Variants in TRIM37 observed in about 807,000 individuals in gnomAD.
TRIM37 encodes the protein tripartite motif containing 37.
TRIM37 carries 80 observed loss-of-function variants against 129.8 expected under a neutral mutation model. The ratio of observed to expected loss-of-function variants is 0.62; its 90% CI spans 0.51 to 0.74. TRIM37 has a LOEUF of 0.74. Among genes scored for constraint, TRIM37 ranks in the 30% least tolerant of loss-of-function variants. TRIM37 has a pLI of 0.00. For synonymous variants in TRIM37, 389 were observed against 387.1 expected (o/e 1.00, Z -0.06); for missense variants, 1,054 against 1,176.5 (o/e 0.90, Z 1.52).
intron 17 of TRIM37, among the ~76,000 whole-genome samples, chr17:59,032,993 T>C (rs1441815985): frequency 1.3e-5 from 2 of 152,186 alleles, no homozygotes; most frequent in Non-Finnish European, 2.9e-5. Flanking sequence ...TATTGGACTA[T>C]GCTCTTTAAG....
Position 59,020,672 on chromosome 17 carries a change from T to C in TRIM37, c.2258-3248A>G, listed in dbSNP as rs1389003662. Reference sequence around the variant, plus strand: ...GATTAAAAATGGGTAAAAATCTGAATAGATATTTCTTAAAAGACGACACAC... The same window carrying C: ...GATTAAAAATGGGTAAAAATCTGAACAGATATTTCTTAAAAGACGACACAC... On this transcript the variant is annotated intron_variant, in intron 19 of 23. Transcript: ENST00000262294. 1.3e-5 allele frequency among the ~76,000 whole-genome samples: 2 copies of C among 152,094 alleles called. 1 individual carries two copies. The highest frequency in any genetic ancestry group is 2.9e-5 in the Non-Finnish European group (2 of 68,004).
chr17:59,056,884 ACTGTATCATTTTGTGGATTC>A lies in TRIM37; in HGVS notation c.1170_1189del (p.Leu390PhefsTer32). 1 of 1,613,750 alleles carries A rather than the reference ACTGTATCATTTTGTGGATTC, an allele frequency of 6.2e-7. No individual in the cohort carries two copies. Among genetic ancestry groups the A allele is most frequent in the Non-Finnish European group, 8.5e-7 (1 of 1,179,864 alleles). On this transcript the variant is annotated frameshift_variant, in exon 13 of 24. Transcript: ENST00000262294. LOFTEE classifies it high-confidence loss of function. ...AAATTTTTCCTGTTACCTTAAAATC[ACTGTATCATTTTGTGGATTC>A]AAGTATCCTTCATTTGCGAGTAAGT...
Position 59,081,235 on chromosome 17 carries a change from T to G in TRIM37, c.370-16A>C, listed in dbSNP as rs780376867. On this transcript the variant is annotated splice_polypyrimidine_tract_variant and intron_variant, in intron 5 of 23. Transcript: ENST00000262294. ...GTCCGCCATGCTATTTAAATTAGAGTAGCTTTAGAACACTTTCACATATCT... is the reference window on the plus strand; with the variant it reads ...GTCCGCCATGCTATTTAAATTAGAGGAGCTTTAGAACACTTTCACATATCT... 1.2e-6 allele frequency: 2 copies of G among 1,610,744 alleles called. No individual in the cohort carries two copies. Among genetic ancestry groups the G allele is most frequent in the Non-Finnish European group, 1.7e-6 (2 of 1,178,254 alleles).
chr17:59,095,217 T>C (rs913815667), intron 2 of TRIM37, among the ~76,000 whole-genome samples: 9 of 145,534 alleles, frequency 6.2e-5, no homozygotes, highest in East Asian at 4.0e-4. Flanking sequence ...CTCGGTCTCT[T>C]AAAAAAAAAA....
At chr17:59,039,922 GGGT>G (rs2038967909) in intron 17 of TRIM37, among the ~76,000 whole-genome samples, 1 of 151,870 alleles carries the variant, frequency 6.6e-6, no homozygotes, top group African/African-American at 2.4e-5. Flanking sequence ...TTTTGACACA[GGGT>G]CTCACTCTGT....
At chr17:59,057,139 T>C in intron 12 of TRIM37, 85 bp from the exon 13 acceptor site, 1 of 1,168,774 alleles carries the variant, frequency 8.6e-7, no homozygotes, top group Non-Finnish European at 1.3e-6. Flanking sequence ...GGTCACTAAG[T>C]AATTACCTGA....
intron 24 of TRIM37, among the ~76,000 whole-genome samples, chr17:58,992,728 T>C (rs988484925): frequency 1.8e-4 from 27 of 152,206 alleles, no homozygotes; most frequent in African/African-American, 5.3e-4. Flanking sequence ...ATAACAATCA[T>C]TGGCAATGAG....
chr17:59,034,196 C>T (rs1317850355), intron 17 of TRIM37, among the ~76,000 whole-genome samples: 1 of 151,870 alleles, frequency 6.6e-6, no homozygotes, highest in Non-Finnish European at 1.5e-5. Context: ...AGTCCAGTAG[C>T]CCAGTGAATG....
At chr17:59,089,039 A>C (rs1330103463) in intron 3 of TRIM37, among the ~76,000 whole-genome samples, 1 of 152,060 alleles carries the variant, frequency 6.6e-6, no homozygotes, top group Non-Finnish European at 1.5e-5. Flanking sequence ...AGGCAGGTAG[A>C]TTGCTTGAGC....
At chr17:59,104,938 A>C (rs1372517914) in intron 1 of TRIM37, among the ~76,000 whole-genome samples, 1 of 151,970 alleles carries the variant, frequency 6.6e-6, no homozygotes, top group Non-Finnish European at 1.5e-5. Context: ...CTAAAAATAC[A>C]AAAATTAGCC....
At chr17:59,069,847 T>C (rs1383757407) in intron 9 of TRIM37, among the ~76,000 whole-genome samples, 4 of 152,184 alleles carry the variant, frequency 2.6e-5, no homozygotes, top group Admixed American at 2.6e-4. Flanking sequence ...CACCAGAGAC[T>C]GATCTCTCTC....
the TRIM37 span, among the ~76,000 whole-genome samples, chr17:58,968,397 C>T: frequency 1.3e-5 from 2 of 152,062 alleles, no homozygotes; most frequent in African/African-American, 4.8e-5. Flanking sequence ...TGTACCCTAG[C>T]CTGGGTGTCA....
intron 16 of TRIM37, among the ~76,000 whole-genome samples, chr17:59,047,302 T>A (rs192994551): frequency 6.6e-6 from 1 of 152,354 alleles, no homozygotes; most frequent in East Asian, 1.9e-4. Context: ...CAGATTTTGA[T>A]AACTATTCTA....
intron 6 of TRIM37, 40 bp downstream of exon 6, chr17:59,081,057 G>A (rs1217656147): frequency 7.4e-7 from 1 of 1,353,632 alleles, no homozygotes; most frequent in Admixed American, 2.0e-5. Flanking sequence ...ATATATTACA[G>A]ATTAAAAACA....
rs539628755 is a variant in TRIM37, at chr17:59,101,727, T to C, written c.123+2566A>G. Among the ~76,000 whole-genome samples, 34 of 138,860 alleles carry C rather than the reference T, an allele frequency of 2.4e-4. 1 individual carries two copies. In the East Asian group the frequency reaches 4.7e-3, roughly 19 times the overall value. 91.1% of individuals were successfully genotyped at this position (138,860 alleles called of 152,430 possible). On this transcript the variant is annotated intron_variant, in intron 2 of 23. Transcript: ENST00000262294. Reference sequence around the variant, plus strand: ...ACACACACACACACACACACATATATACATATACATGTTTATATATATACA... The same window carrying C: ...ACACACACACACACACACACATATACACATATACATGTTTATATATATACA...
intron 2 of TRIM37, among the ~76,000 whole-genome samples, chr17:59,100,667 A>G (rs1470975277): frequency 6.6e-6 from 1 of 152,200 alleles, no homozygotes; most frequent in Non-Finnish European, 1.5e-5. Context: ...ACTTTTGGGG[A>G]TGACAGATAT....
intron 2 of TRIM37, among the ~76,000 whole-genome samples, chr17:59,095,075 G>C (rs1303292140): frequency 1.3e-5 from 2 of 152,022 alleles, no homozygotes; most frequent in Non-Finnish European, 2.9e-5. Flanking sequence ...AATTAGCCGG[G>C]CATGGTGGAC....
intron 6 of TRIM37, among the ~76,000 whole-genome samples, 194 bp from the exon 7 acceptor site, chr17:59,080,071 G>A (rs1048672188): frequency 3.3e-5 from 5 of 152,210 alleles, no homozygotes; most frequent in Non-Finnish European, 4.4e-5. Context: ...CATAAAGAAT[G>A]TTATAAATGA....
intron 20 of TRIM37, among the ~76,000 whole-genome samples, chr17:59,016,445 T>C (rs1027455536): frequency 6.6e-6 from 1 of 151,012 alleles, no homozygotes; most frequent in African/African-American, 2.4e-5. Flanking sequence ...ACATATCCCT[T>C]GTTTTTTATG....
Sources: allele counts gnomAD v4.1 joint callset (sites outside exome capture counted in the v4.1 genomes callset), GRCh38; gene constraint gnomAD v4.1.1; transcripts MANE v1.5; gene names NCBI Gene and HGNC (gene_info 2026-07-23, HGNC 2026-07-21).